The following RALGPS2 variants were observed in gnomAD, a reference collection of about 807,000 sequenced individuals.
RALGPS2 encodes the protein ras-specific guanine nucleotide-releasing factor RalGPS2.
RALGPS2 carries 43 observed loss-of-function variants against 86.8 expected under a neutral mutation model. The observed-to-expected ratio is 0.50, with a 90% CI of 0.39 to 0.64. RALGPS2 has a LOEUF of 0.64. Ranked by LOEUF, RALGPS2 falls within the 30% of genes least tolerant of loss-of-function variation. The pLI is 0.00. For synonymous variants in RALGPS2, 243 were observed against 231.3 expected, an observed-to-expected ratio of 1.05 and a Z score of -0.46; for missense variants, 536 against 694.6, an observed-to-expected ratio of 0.77 and a Z score of 2.57.
At chr1:178,747,524 G>C in intron 1 of RALGPS2, 3 of 1,611,760 alleles carry the variant, frequency 1.9e-6, no homozygotes, top group Non-Finnish European at 2.5e-6. Flanking sequence ...CATGACAACT[G>C]CTTTGGTCTT....
chr1:178,810,263 T>C (rs1257602210), intron 5 of RALGPS2, among the ~76,000 whole-genome samples: 1 of 151,954 alleles, frequency 6.6e-6, no homozygotes, highest in Non-Finnish European at 1.5e-5. Context: ...AGCTTACACC[T>C]GTGGTCTCAG....
At chr1:178,740,837 A>G (rs1321676474) in intron 1 of RALGPS2, among the ~76,000 whole-genome samples, 1 of 152,056 alleles carries the variant, frequency 6.6e-6, no homozygotes, top group Admixed American at 6.5e-5. Flanking sequence ...TTGACATTAG[A>G]ATTCTGGCTT....
intron 1 of RALGPS2, among the ~76,000 whole-genome samples, chr1:178,741,981 C>G (rs1262031925): frequency 2.6e-5 from 4 of 151,672 alleles, no homozygotes; most frequent in African/African-American, 7.3e-5. Context: ...ACCAAAAATA[C>G]AAAAATTAGC....
chr1:178,856,411 T>TGTTTG (rs1415518537), intron 8 of RALGPS2, among the ~76,000 whole-genome samples: 1 of 111,240 alleles, frequency 9.0e-6, no homozygotes, highest in African/African-American at 3.9e-5. Context: ...TTTTTTTTTT[T>TGTTTG]TTTTTTTTTT....
At chr1:178,767,109 A>G (rs1339644818) in intron 1 of RALGPS2, among the ~76,000 whole-genome samples, 1 of 151,914 alleles carries the variant, frequency 6.6e-6, no homozygotes, top group Non-Finnish European at 1.5e-5. Context: ...TATCTCCTGT[A>G]TTGTTTTATT....
chr1:178,850,311 A>G lies in RALGPS2; in HGVS notation c.607+16761A>G, dbSNP rs192790640. ...AAAAAAGTAATAATAAATTAGAACT[A>G]TAATTCAGATCTGTAGCACACTAAA... On this transcript the variant is annotated intron_variant, in intron 8 of 19. Coordinates refer to ENST00000367635, the MANE Select transcript of RALGPS2 (RefSeq NM_152663.5). The G allele has an allele frequency of 2.0e-5, 3 of 152,768 alleles. No individual in the cohort carries two copies. The East Asian group carries it at 5.8e-4, about 29-fold the overall frequency. The allele number at this position is 152,768 out of a possible 1,614,324, so 9.5% of individuals were successfully genotyped here. A position where few individuals can be genotyped will look rare whatever the true frequency, so the allele number is the denominator to read the frequency against.
At chr1:178,912,046 T>C (rs57574127) in intron 19 of RALGPS2, among the ~76,000 whole-genome samples, 7,942 of 152,296 alleles carry the variant, frequency 0.052, 719 homozygotes, top group African/African-American at 0.18. Context: ...TGTTTTCCAT[T>C]TGCTTGATAA....
intron 2 of RALGPS2, among the ~76,000 whole-genome samples, chr1:178,777,906 A>G (rs1653178892): frequency 7.0e-6 from 1 of 143,322 alleles, no homozygotes; most frequent in South Asian, 2.3e-4. Context: ...GATGGATTAA[A>G]GACTTAAACG....
intron 7 of RALGPS2, among the ~76,000 whole-genome samples, chr1:178,823,445 G>C (rs1655604439): frequency 7.3e-6 from 1 of 137,598 alleles, no homozygotes; most frequent in Non-Finnish European, 1.5e-5. Context: ...AGCAATAAAT[G>C]CTCTGAAGAA....
At chr1:178,728,126 T>G (rs1409924920) in intron 1 of RALGPS2, among the ~76,000 whole-genome samples, 3 of 151,722 alleles carry the variant, frequency 2.0e-5, no homozygotes, top group African/African-American at 7.3e-5. Flanking sequence ...ACAGCCTTAT[T>G]CTTTTGGTTT....
At chr1:178,758,912 C>G (rs1230472013) in intron 1 of RALGPS2, among the ~76,000 whole-genome samples, 1 of 152,086 alleles carries the variant, frequency 6.6e-6, no homozygotes, top group South Asian at 2.1e-4. Flanking sequence ...TTTAAAAAAT[C>G]AGAGTATTAG....
In RALGPS2 at chr1:178,732,027, C is replaced by G. The variant is rs1320492667; in HGVS notation, c.-84+6608C>G. On this transcript the variant is annotated intron_variant, in intron 1 of 19. Transcript: ENST00000367635. The stretch of plus-strand genomic sequence containing the variant: ...GTTACTATAGAAATAGGAGAGAAGA[C>G]AAAGTATATGGATAGACACATGATG... 3.3e-5 allele frequency among the ~76,000 whole-genome samples: 5 copies of G among 152,084 alleles called. No homozygotes were observed. In the East Asian group the frequency reaches 9.6e-4, roughly 29 times the overall value.
intron 1 of RALGPS2, among the ~76,000 whole-genome samples, chr1:178,742,337 A>G (rs1651083693): frequency 6.6e-6 from 1 of 152,170 alleles, no homozygotes; most frequent in Non-Finnish European, 1.5e-5. Context: ...ACAAGACCCA[A>G]GCAAAGAGTA....
At chr1:178,733,449 T>G (rs572678096) in intron 1 of RALGPS2, among the ~76,000 whole-genome samples, 1 of 152,352 alleles carries the variant, frequency 6.6e-6, no homozygotes, top group Admixed American at 6.5e-5. Flanking sequence ...ATTGTTCAGA[T>G]GGCCAAGGTT....
At position 178,921,731 on chromosome 1, in the gene RALGPS2, A is replaced by C. The variant is rs1034418348; in HGVS notation, c.*5372A>C. ...CTCTCTCACTTTTTGTTTCTTTTTAATATGCAAATGTGAGTGTGCGATCTT... is the reference window on the plus strand; with the variant it reads ...CTCTCTCACTTTTTGTTTCTTTTTACTATGCAAATGTGAGTGTGCGATCTT... On this transcript the variant is annotated 3_prime_UTR_variant, in exon 20 of 20. Coordinates refer to ENST00000367635, the MANE Select transcript of RALGPS2 (RefSeq NM_152663.5). 2.6e-5 allele frequency: 4 copies of C among 152,052 alleles called. No individual in the cohort carries two copies. Among genetic ancestry groups the C allele is most frequent in the African/African-American group, 9.7e-5 (4 of 41,436 alleles). 9.4% of individuals were successfully genotyped at this position (152,052 alleles called of 1,614,324 possible).
At chr1:178,895,997 A>G (rs543911750) in intron 16 of RALGPS2, among the ~76,000 whole-genome samples, 62 of 152,160 alleles carry the variant, frequency 4.1e-4, no homozygotes, top group African/African-American at 1.5e-3. Context: ...GAAGAAAACA[A>G]GGTTGGAGAT....
At chr1:178,850,110 T>C (rs1657075160) in intron 8 of RALGPS2, 3 of 152,682 alleles carry the variant, frequency 2.0e-5, no homozygotes, top group Admixed American at 2.0e-4. Flanking sequence ...TGGCTTCTGC[T>C]CTGGAGCTGT....
chr1:178,810,186 C>A (rs1654909824), intron 5 of RALGPS2, among the ~76,000 whole-genome samples: 1 of 151,944 alleles, frequency 6.6e-6, no homozygotes, highest in Non-Finnish European at 1.5e-5. Flanking sequence ...GAGTTTGAGA[C>A]CAGCTTGGGC....
chr1:178,802,892 A>G (rs1327640321), intron 4 of RALGPS2, among the ~76,000 whole-genome samples: 1 of 152,074 alleles, frequency 6.6e-6, no homozygotes, highest in Non-Finnish European at 1.5e-5. Flanking sequence ...TAATTTTTCG[A>G]TACTCCAAGC....
Sources: allele counts gnomAD v4.1 joint callset (sites outside exome capture counted in the v4.1 genomes callset), GRCh38; gene constraint gnomAD v4.1.1; transcripts MANE v1.5; gene names NCBI Gene and HGNC (gene_info 2026-07-23, HGNC 2026-07-21).